Variants in ADGRB3 observed in about 807,000 individuals in gnomAD.
ADGRB3 encodes the protein brain-specific angiogenesis inhibitor 3.
ADGRB3 carries 37 observed loss-of-function variants against 193.4 expected under a neutral mutation model. The ratio of observed to expected loss-of-function variants is 0.19; its 90% confidence interval spans 0.15 to 0.25. ADGRB3 has a LOEUF of 0.25. ADGRB3 is among the 10% of genes least tolerant of loss of function. The pLI is 1.00. For synonymous variants in ADGRB3, 690 were observed against 644.2 expected (o/e 1.07, Z -1.08); for missense variants, 1,637 against 1,852.9 (o/e 0.88, Z 2.14).
At chr6:68,783,518 G>C (rs550426017) in intron 3 of ADGRB3, among the ~76,000 whole-genome samples, 13 of 151,492 alleles carry the variant, frequency 8.6e-5, no homozygotes, top group Non-Finnish European at 4.4e-5. Context: ...AAAAGACAAG[G>C]GCATAAGGGC....
At chr6:69,303,944 G>A (rs781218090) in intron 20 of ADGRB3, among the ~76,000 whole-genome samples, 2 of 151,812 alleles carry the variant, frequency 1.3e-5, no homozygotes, top group Admixed American at 6.6e-5. Context: ...TCTAGAACTC[G>A]AAGCCTCTTT....
chr6:69,045,746 A>G (rs762703680), intron 13 of ADGRB3, among the ~76,000 whole-genome samples: 4 of 152,126 alleles, frequency 2.6e-5, no homozygotes, highest in Non-Finnish European at 5.9e-5. Flanking sequence ...GAATGTGTAC[A>G]TACTTATAAT....
chr6:68,854,227 G>A (rs1430578531), intron 3 of ADGRB3, among the ~76,000 whole-genome samples: 1 of 152,070 alleles, frequency 6.6e-6, no homozygotes, highest in African/African-American at 2.4e-5. Context: ...TAAATATCTG[G>A]AATTAGTTTA....
intron 20 of ADGRB3, among the ~76,000 whole-genome samples, chr6:69,296,258 G>A (rs1200438206): frequency 6.6e-6 from 1 of 152,126 alleles, no homozygotes; most frequent in Non-Finnish European, 1.5e-5. Context: ...TGAATTTCAA[G>A]GAGTTAAATA....
intron 5 of ADGRB3, among the ~76,000 whole-genome samples, chr6:68,940,162 G>A (rs1406071358): frequency 1.3e-5 from 2 of 152,098 alleles, no homozygotes; most frequent in Non-Finnish European, 2.9e-5. Flanking sequence ...ATTACTCAAA[G>A]TAAAAAACAA....
chr6:68,997,711 T>C (rs1372119746), intron 11 of ADGRB3, among the ~76,000 whole-genome samples: 5 of 151,658 alleles, frequency 3.3e-5, no homozygotes, highest in Non-Finnish European at 7.4e-5. Context: ...ATCATAAGAA[T>C]TGGCCTGATT....
chr6:68,825,085 G>T (rs1377379595), intron 3 of ADGRB3, among the ~76,000 whole-genome samples: 3 of 152,018 alleles, frequency 2.0e-5, no homozygotes, highest in African/African-American at 7.2e-5. Context: ...TCGAATTCCT[G>T]ACGTCAGGTG....
intron 13 of ADGRB3, among the ~76,000 whole-genome samples, chr6:69,022,425 A>G (rs888547543): frequency 1.3e-5 from 2 of 151,870 alleles, no homozygotes; most frequent in African/African-American, 4.8e-5. Flanking sequence ...TTATTTTTCA[A>G]TGAAAATATT....
chr6:68,747,536 G>A (rs1444600050), intron 3 of ADGRB3, among the ~76,000 whole-genome samples: 3 of 152,114 alleles, frequency 2.0e-5, no homozygotes, highest in African/African-American at 4.8e-5. Context: ...TCCTAGACTT[G>A]ACTCAGAATC....
intron 3 of ADGRB3, among the ~76,000 whole-genome samples, chr6:68,706,772 A>T (rs772712563): frequency 7.2e-5 from 11 of 152,334 alleles, no homozygotes; most frequent in Non-Finnish European, 1.3e-4. Flanking sequence ...CCCAGTGCAT[A>T]TATAATATTG....
chr6:69,349,896 T>C (rs1769185751), intron 26 of ADGRB3, among the ~76,000 whole-genome samples: 1 of 152,222 alleles, frequency 6.6e-6, no homozygotes, highest in South Asian at 2.1e-4. Context: ...TGTGGAGCTC[T>C]TTCCTGTGAG....
chr6:69,224,966 T>G (rs1350742996), intron 17 of ADGRB3, among the ~76,000 whole-genome samples: 1 of 152,194 alleles, frequency 6.6e-6, no homozygotes, highest in Non-Finnish European at 1.5e-5. Flanking sequence ...ACTCTCATCA[T>G]TATTCTGAAT....
chr6:68,774,855 CA>C (rs779398957), intron 3 of ADGRB3, among the ~76,000 whole-genome samples: 9 of 149,508 alleles, frequency 6.0e-5, no homozygotes, highest in African/African-American at 1.5e-4. Context: ...ACATTTCTAG[CA>C]AAAAAAAATA....
At chr6:68,739,220 C>G (rs143276681) in intron 3 of ADGRB3, among the ~76,000 whole-genome samples, 2 of 151,830 alleles carry the variant, frequency 1.3e-5, no homozygotes, top group African/African-American at 4.8e-5. Flanking sequence ...AGGGTAAATA[C>G]GAAGAAAGGG....
chr6:69,206,586 A>G (rs1765546232), intron 17 of ADGRB3, among the ~76,000 whole-genome samples: 1 of 152,204 alleles, frequency 6.6e-6, no homozygotes, highest in African/African-American at 2.4e-5. Flanking sequence ...GTACAACCAG[A>G]AACGCACCAA....
Position 68,975,304 on chromosome 6 carries a change from A to C in ADGRB3, c.1698A>C (p.Arg566Ser), listed in dbSNP as rs1351262886. Residue 566 changes from arginine (R) to serine (S), a missense_variant, in exon 10 of 32, where the codon AGA (arginine) becomes AGC (serine). Around this residue, in one of 7 missense-constraint regions of ADGRB3, gnomAD observed 641 missense variants for 673.9 expected, o/e 0.95. Coordinates refer to ENST00000370598, the MANE Select transcript of ADGRB3 (RefSeq NM_001704.3). ...VAFWEQPSFA[R>S]CISNEYRHLQ... ...TCTGGGAACAGCCGAGCTTTGCAAG[A>C]TGCATATCAAATGAGTACAGACACT... 1 of 1,614,078 alleles carries C rather than the reference A, an allele frequency of 6.2e-7. No homozygotes were observed. Among genetic ancestry groups the C allele is most frequent in the South Asian group, 1.1e-5 (1 of 91,084 alleles).
At chr6:68,733,243 A>T (rs1024978968) in intron 3 of ADGRB3, among the ~76,000 whole-genome samples, 16 of 147,930 alleles carry the variant, frequency 1.1e-4, no homozygotes, top group East Asian at 2.0e-4. Flanking sequence ...TATATATATA[A>T]AATATATATA....
intron 13 of ADGRB3, among the ~76,000 whole-genome samples, chr6:69,030,928 T>C (rs1770626816): frequency 6.8e-6 from 1 of 148,016 alleles, no homozygotes; most frequent in Non-Finnish European, 1.5e-5. Flanking sequence ...CACAAACATT[T>C]TGGGTTTTAA....
chr6:68,798,574 C>G (rs987793550), intron 3 of ADGRB3, among the ~76,000 whole-genome samples: 4 of 151,986 alleles, frequency 2.6e-5, no homozygotes, highest in African/African-American at 9.7e-5. Context: ...AGGAGAAATA[C>G]CTAATGTAGG....
Sources: gnomAD v4.1 joint callset for allele counts (sites outside exome capture counted in the v4.1 genomes callset) on GRCh38, gnomAD v4.1.1 for gene constraint, gnomAD v4.1.1 regional missense constraint, MANE v1.5 for transcripts, NCBI Gene and HGNC (gene_info 2026-07-23, HGNC 2026-07-21) for gene names.